Variants in TMEM81 observed in about 807,000 individuals in gnomAD.
TMEM81 encodes transmembrane protein 81.
For missense variants in TMEM81, 294 were observed against 300.5 expected, an observed-to-expected ratio of 0.98 and a Z score of 0.16; for synonymous variants, 132 against 119.1, an observed-to-expected ratio of 1.11 and a Z score of -0.71.
chr1:205,084,422 CA>C lies in TMEM81; in HGVS notation c.-103del. 1 of 1,264,798 alleles carries C rather than the reference CA, an allele frequency of 7.9e-7. No homozygotes were observed. Among genetic ancestry groups the C allele is most frequent in the Non-Finnish European group, 1.1e-6 (1 of 910,254 alleles). The allele number at this position is 1,264,798 out of a possible 1,614,324, so 78.3% of individuals were successfully genotyped here. A position where few individuals can be genotyped will look rare whatever the true frequency, so the allele number is the denominator to read the frequency against. ...GATTCCTTTGACATGAGATATCCTT[CA>C]AAGTCAAAAGATATGATGCATGTAT... On this transcript the variant is annotated 5_prime_UTR_variant, in exon 1 of 1. Coordinates refer to ENST00000367167, the MANE Select transcript of TMEM81 (RefSeq NM_203376.2).
Position 205,083,307 on chromosome 1 carries a change from A to G in TMEM81, c.*246T>C. 1 of 470,958 alleles carries G rather than the reference A, an allele frequency of 2.1e-6. No individual in the cohort carries two copies. The highest frequency in any genetic ancestry group is 3.7e-6 in the Non-Finnish European group (1 of 268,532). The allele number at this position is 470,958 out of a possible 1,614,324, so 29.2% of individuals were successfully genotyped here. A position where few individuals can be genotyped will look rare whatever the true frequency, so the allele number is the denominator to read the frequency against. On this transcript the variant is annotated 3_prime_UTR_variant, in exon 1 of 1. Transcript: ENST00000367167. ...TCCCAGGAACACAGGCAATGCTTGC[A>G]GTTTCCTGGGTACCCAATGGGCAGG...
rs1655065748 is a variant in TMEM81, at chr1:205,083,822, T to G, written c.499A>C (p.Asn167His). 1.9e-6 allele frequency: 3 copies of G among 1,614,160 alleles called. No homozygotes were observed. The East Asian group carries it at 6.7e-5, about 36-fold the overall frequency. Reference protein sequence around the residue: ...TYRCDVQLVKNLRLVKRLYFG... With the variant: ...TYRCDVQLVKHLRLVKRLYFG... ...TAGAGCCTCTTGACGAGTCTCAAGT[T>G]TTTTACCAGCTGCACATCACAGCGA... Residue 167 changes from asparagine to histidine, a missense_variant, in exon 1 of 1, where the codon AAC becomes CAC. By Grantham distance (68) the Asn-to-His change is moderately conservative. Coordinates refer to ENST00000367167, the MANE Select transcript of TMEM81 (RefSeq NM_203376.2).
chr1:205,083,484 C>T lies in TMEM81; in HGVS notation c.*69G>A. On this transcript the variant is annotated 3_prime_UTR_variant, in exon 1 of 1. Transcript: ENST00000367167. ...CACTACCAGCAGCTGGAACACTCCC[C>T]TAAAAAGCTAGCTTGGCTTCCTGGG... 13 of 1,526,656 alleles carry T rather than the reference C, an allele frequency of 8.5e-6. No individual in the cohort carries two copies. Among genetic ancestry groups the T allele is most frequent in the Non-Finnish European group, 1.1e-5 (13 of 1,135,890 alleles). 94.6% of individuals were successfully genotyped at this position (1,526,656 alleles called of 1,614,324 possible). A position where few individuals can be genotyped will look rare whatever the true frequency, so the allele number is the denominator to read the frequency against.
At position 205,084,401 on chromosome 1, in the gene TMEM81, C is replaced by A. The variant is rs1166808217; in HGVS notation, c.-81G>T. 2 of 1,419,958 alleles carry A rather than the reference C, an allele frequency of 1.4e-6. No individual in the cohort carries two copies. Among genetic ancestry groups the A allele is most frequent in the African/African-American group, 2.9e-5 (2 of 69,916 alleles). The allele number at this position is 1,419,958 out of a possible 1,614,324, so 88.0% of individuals were successfully genotyped here. A position where few individuals can be genotyped will look rare whatever the true frequency, so the allele number is the denominator to read the frequency against. ...ATCCTCTATAAATCATAACTTGATTCCTTTGACATGAGATATCCTTCAAAG... is the reference window on the plus strand; with the variant it reads ...ATCCTCTATAAATCATAACTTGATTACTTTGACATGAGATATCCTTCAAAG... On this transcript the variant is annotated 5_prime_UTR_variant, in exon 1 of 1. It introduces an in-frame stop codon into an upstream open reading frame of the 5' UTR. Transcript: ENST00000367167.
Position 205,083,359 on chromosome 1 carries a change from A to C in TMEM81, c.*194T>G. 2 of 583,290 alleles carry C rather than the reference A, an allele frequency of 3.4e-6. No individual in the cohort carries two copies. Among genetic ancestry groups the C allele is most frequent in the Non-Finnish European group, 5.8e-6 (2 of 345,004 alleles). The allele number at this position is 583,290 out of a possible 1,614,324, so 36.1% of individuals were successfully genotyped here. A position where few individuals can be genotyped will look rare whatever the true frequency, so the allele number is the denominator to read the frequency against. On this transcript the variant is annotated 3_prime_UTR_variant, in exon 1 of 1. Transcript: ENST00000367167. The stretch of plus-strand genomic sequence containing the variant: ...AAGATCAGGAAGAGATCCATGGGAC[A>C]TAAGGAAGTTAGGTTACTGCGCATA...
In TMEM81 at chr1:205,083,468, C is replaced by G; in HGVS notation, c.*85G>C. 2 of 1,448,806 alleles carry G rather than the reference C, an allele frequency of 1.4e-6. No homozygotes were observed. The highest frequency in any genetic ancestry group is 2.3e-5 in the East Asian group (1 of 43,652). The allele number at this position is 1,448,806 out of a possible 1,614,324, so 89.7% of individuals were successfully genotyped here. A position where few individuals can be genotyped will look rare whatever the true frequency, so the allele number is the denominator to read the frequency against. ...TCCCTCTAAGCTGATCCACTACCAGCAGCTGGAACACTCCCCTAAAAAGCT... is the reference window on the plus strand; with the variant it reads ...TCCCTCTAAGCTGATCCACTACCAGGAGCTGGAACACTCCCCTAAAAAGCT... On this transcript the variant is annotated 3_prime_UTR_variant, in exon 1 of 1. Transcript: ENST00000367167.
rs1431576526 is a variant in TMEM81 at position 205,083,156 on chromosome 1, A to C, written c.*397T>G. On this transcript the variant is annotated 3_prime_UTR_variant, in exon 1 of 1. Transcript: ENST00000367167. Reference sequence around the variant, plus strand: ...CTGTGAATTACTTTTATTGAAAAAAAATGTTCACTAAAAAGGCTGAATACA... The same window carrying C: ...CTGTGAATTACTTTTATTGAAAAAACATGTTCACTAAAAAGGCTGAATACA... The C allele has an allele frequency of 1.2e-5, 2 of 170,374 alleles. No individual in the cohort carries two copies. Among genetic ancestry groups the C allele is most frequent in the African/African-American group, 4.7e-5 (2 of 42,190 alleles). 10.6% of individuals were successfully genotyped at this position (170,374 alleles called of 1,614,324 possible). A position where few individuals can be genotyped will look rare whatever the true frequency, so the allele number is the denominator to read the frequency against.
chr1:205,083,267 G>C lies in TMEM81; in HGVS notation c.*286C>G, dbSNP rs1487551577. The C allele has an allele frequency of 1.0e-5, 4 of 388,296 alleles. No individual in the cohort carries two copies. In the East Asian group the frequency reaches 1.7e-4, roughly 16 times the overall value. 24.1% of individuals were successfully genotyped at this position (388,296 alleles called of 1,614,324 possible). A position where few individuals can be genotyped will look rare whatever the true frequency, so the allele number is the denominator to read the frequency against. ...CATAAAGGGTAGAAAATGAATGCAA[G>C]CTTCTTAGAACTCTTCCCAGGAACA... On this transcript the variant is annotated 3_prime_UTR_variant, in exon 1 of 1. Coordinates refer to ENST00000367167, the MANE Select transcript of TMEM81 (RefSeq NM_203376.2).
rs1255333560 is a variant in TMEM81, at chr1:205,083,792, C to G, written c.529G>C (p.Gly177Arg). The G allele has an allele frequency of 6.2e-7, 1 of 1,614,170 alleles. No individual in the cohort carries two copies. The highest frequency in any genetic ancestry group is 8.5e-7 in the Non-Finnish European group (1 of 1,180,024). ...NLRLVKRLYF[G>R]LRVLPPNLVN... is the part of the protein sequence containing the mutation. ...AAGTTAGGAGGAAGGACCCTCAACC[C>G]AAAATAGAGCCTCTTGACGAGTCTC... Residue 177 changes from glycine to arginine, a missense_variant, in exon 1 of 1, where the codon GGG becomes CGG. Physicochemically the swap from Gly to Arg is moderately radical, Grantham distance 125 (BLOSUM62 -2). Transcript: ENST00000367167.
chr1:205,084,335 T>C lies in TMEM81; in HGVS notation c.-15A>G. ...AAAACCTTCATGTCTCGGTAGGCGT[T>C]TTGCCACCCTCAGCCAGCACCCACA... On this transcript the variant is annotated 5_prime_UTR_variant, in exon 1 of 1. Transcript: ENST00000367167. 1 of 1,604,070 alleles carries C rather than the reference T, an allele frequency of 6.2e-7. No individual in the cohort carries two copies. The highest frequency in any genetic ancestry group is 1.1e-5 in the South Asian group (1 of 89,958).
chr1:205,084,185 C>A lies in TMEM81; in HGVS notation c.136G>T (p.Ala46Ser). 9 of 1,614,200 alleles carry A rather than the reference C, an allele frequency of 5.6e-6. No individual in the cohort carries two copies. Among genetic ancestry groups the A allele is most frequent in the Non-Finnish European group, 7.6e-6 (9 of 1,180,036 alleles). Reference sequence around the variant, plus strand: ...CCACAGGTGACAGTACAGGTTGTGGCATTGATGATAACTTTCCCCACAGCT... The same window carrying A: ...CCACAGGTGACAGTACAGGTTGTGGAATTGATGATAACTTTCCCCACAGCT... ...QEAVGKVIIN[A>S]TTCTVTCGLG... Residue 46 changes from alanine (A) to serine (S), a missense_variant, in exon 1 of 1, where the codon GCC becomes TCC. Transcript: ENST00000367167.
At position 205,084,121 on chromosome 1, in the gene TMEM81, G is replaced by C; in HGVS notation, c.200C>G (p.Pro67Arg). 1 of 1,614,184 alleles carries C rather than the reference G, an allele frequency of 6.2e-7. No individual in the cohort carries two copies. The highest frequency in any genetic ancestry group is 8.5e-7 in the Non-Finnish European group (1 of 1,180,036). The change falls in exon 1 of 1, where the codon CCT becomes CGT. Residue 67 changes from proline (P) to arginine (R), a missense_variant. Physicochemically the swap from Pro to Arg is moderately radical, Grantham distance 103. Transcript: ENST00000367167. ...YKEETVCEVG[P>R]DGVRRKCQTR... is the part of the protein sequence containing the mutation. ...CTGACATTTCCTTCTCACTCCATCA[G>C]GGCCCACCTCACAGACGGTCTCCTC...
rs1167604977 is a variant in TMEM81 at position 205,084,122 on chromosome 1, G to A, written c.199C>T (p.Pro67Ser). The A allele has an allele frequency of 1.2e-6, 2 of 1,614,042 alleles. No individual in the cohort carries two copies. The highest frequency in any genetic ancestry group is 3.3e-5 in the Admixed American group (2 of 60,000). ...TGACATTTCCTTCTCACTCCATCAG[G>A]GCCCACCTCACAGACGGTCTCCTCC... ...YKEETVCEVG[P>S]DGVRRKCQTR... The change falls in exon 1 of 1, where the codon CCT becomes TCT. Residue 67 changes from proline to serine, a missense_variant. Pro to Ser is a moderately conservative substitution (Grantham distance 74). Coordinates refer to ENST00000367167, the MANE Select transcript of TMEM81 (RefSeq NM_203376.2).
In TMEM81 at chr1:205,084,126, C is replaced by T. The variant is rs142549240; in HGVS notation, c.195G>A (p.Val65=). ...ATTTCCTTCTCACTCCATCAGGGCC[C>T]ACCTCACAGACGGTCTCCTCCTTAT... The part of the protein sequence containing the change: ...LGYKEETVCE[V]GPDGVRRKCQ... Residue 65 remains valine, a synonymous_variant, in exon 1 of 1, where the codon GTG becomes GTA. Coordinates refer to ENST00000367167, the MANE Select transcript of TMEM81 (RefSeq NM_203376.2). 118 of 1,614,200 alleles carry T rather than the reference C, an allele frequency of 7.3e-5. No homozygotes were observed. In the African/African-American group the frequency reaches 1.5e-3, roughly 20 times the overall value.
In TMEM81 at chr1:205,083,601, C is replaced by T. The variant is rs1326814787; in HGVS notation, c.720G>A (p.Val240=). The part of the protein sequence containing the change: ...IGIAIGVVGG[V]LVRIVLCALR... ...GCGCACAGAGGACAATCCTCACCAA[C>T]ACGCCACCAACCACTCCAATGGCAA... is the stretch of plus-strand genomic sequence containing the variant. The change falls in exon 1 of 1, where the codon GTG becomes GTA. Residue 240 remains valine, a synonymous_variant. Coordinates refer to ENST00000367167, the MANE Select transcript of TMEM81 (RefSeq NM_203376.2). 1 of 1,614,074 alleles carries T rather than the reference C, an allele frequency of 6.2e-7. No individual in the cohort carries two copies. Among genetic ancestry groups the T allele is most frequent in the Non-Finnish European group, 8.5e-7 (1 of 1,179,950 alleles).
At position 205,083,202 on chromosome 1, in the gene TMEM81, G is replaced by A. The variant is rs1418926211; in HGVS notation, c.*351C>T. On this transcript the variant is annotated 3_prime_UTR_variant, in exon 1 of 1. Transcript: ENST00000367167. ...ATACATCCCTCTACATGAATACACA[G>A]CTCAGAAGAGGGGAAATGGAGGTGG... The A allele has an allele frequency of 7.8e-6, 2 of 255,880 alleles. No homozygotes were observed. Among genetic ancestry groups the A allele is most frequent in the African/African-American group, 2.2e-5 (1 of 44,970 alleles). 15.9% of individuals were successfully genotyped at this position (255,880 alleles called of 1,614,324 possible). A position where few individuals can be genotyped will look rare whatever the true frequency, so the allele number is the denominator to read the frequency against.
Position 205,084,379 on chromosome 1 carries a change from C to T in TMEM81, c.-59G>A. Reference sequence around the variant, plus strand: ...ACCCACAAGGTATTCCAGCTGAATCCTCTATAAATCATAACTTGATTCCTT... The same window carrying T: ...ACCCACAAGGTATTCCAGCTGAATCTTCTATAAATCATAACTTGATTCCTT... On this transcript the variant is annotated 5_prime_UTR_variant, in exon 1 of 1. Transcript: ENST00000367167. 1 of 1,520,908 alleles carries T rather than the reference C, an allele frequency of 6.6e-7. No individual in the cohort carries two copies. Among genetic ancestry groups the T allele is most frequent in the Non-Finnish European group, 8.9e-7 (1 of 1,127,076 alleles). The allele number at this position is 1,520,908 out of a possible 1,614,324, so 94.2% of individuals were successfully genotyped here.
In TMEM81 at chr1:205,083,264, C is replaced by A; in HGVS notation, c.*289G>T. ...AGTCATAAAGGGTAGAAAATGAATG[C>A]AAGCTTCTTAGAACTCTTCCCAGGA... is the stretch of plus-strand genomic sequence containing the variant. On this transcript the variant is annotated 3_prime_UTR_variant, in exon 1 of 1. Coordinates refer to ENST00000367167, the MANE Select transcript of TMEM81 (RefSeq NM_203376.2). The A allele has an allele frequency of 2.6e-6, 1 of 381,938 alleles. No homozygotes were observed. The highest frequency in any genetic ancestry group is 4.7e-6 in the Non-Finnish European group (1 of 213,934). The allele number at this position is 381,938 out of a possible 1,614,324, so 23.7% of individuals were successfully genotyped here.
Position 205,083,963 on chromosome 1 carries a change from T to G in TMEM81, c.358A>C (p.Thr120Pro). Residue 120 changes from threonine (T) to proline (P), a missense_variant, in exon 1 of 1, where the codon ACC becomes CCC. Coordinates refer to ENST00000367167, the MANE Select transcript of TMEM81 (RefSeq NM_203376.2). ...LEFGQEAFRF[T>P]WRLARGVIST... ...ATGACACCTCGAGCAAGTCTCCAGG[T>G]GAACCGGAAAGCTTCCTGTCCAAAC... 6.2e-7 allele frequency: 1 copy of G among 1,614,190 alleles called. No individual in the cohort carries two copies. Among genetic ancestry groups the G allele is most frequent in the Non-Finnish European group, 8.5e-7 (1 of 1,180,036 alleles).
Sources: gnomAD v4.1 joint callset for allele counts on GRCh38, gnomAD v4.1.1 for gene constraint, MANE v1.5 for transcripts, NCBI Gene and HGNC (gene_info 2026-07-23, HGNC 2026-07-21) for gene names.